DKK2: variants seen among roughly 807,000 people sequenced by gnomAD.
DKK2 encodes the protein dickkopf-related protein 2.
DKK2 carries 11 observed loss-of-function variants against 28.1 expected under a neutral mutation model. That is an observed-to-expected ratio of 0.39 (90% confidence interval 0.25 to 0.65). The LOEUF (loss-of-function observed/expected upper bound fraction) is 0.65. DKK2 is among the 30% of genes least tolerant of loss of function. The probability of loss-of-function intolerance (pLI) is 0.47; values close to 1 mark genes in which losing one functional copy is unlikely to be tolerated. For missense variants in DKK2, 326 were observed against 335.5 expected, an observed-to-expected ratio of 0.97 and a Z score of 0.22; for synonymous variants, 135 against 126.5, an observed-to-expected ratio of 1.07 and a Z score of -0.45.
At chr4:106,939,461 T>A (rs941390698) in intron 1 of DKK2, among the ~76,000 whole-genome samples, 33 of 151,682 alleles carry the variant, frequency 2.2e-4, no homozygotes, top group Non-Finnish European at 2.9e-4. Flanking sequence ...ATAAAAGAGG[T>A]TACAAACAAA....
At chr4:106,976,929 G>T (rs1280564767) in intron 1 of DKK2, among the ~76,000 whole-genome samples, 1 of 152,108 alleles carries the variant, frequency 6.6e-6, no homozygotes, top group Admixed American at 6.5e-5. Context: ...TGTAAGGCAG[G>T]CCCGATGGTG....
rs1724348213 is a variant in DKK2, at chr4:106,921,912, A to C, written c.*2042T>G. On this transcript the variant is annotated 3_prime_UTR_variant, in exon 4 of 4. Coordinates refer to ENST00000285311, the MANE Select transcript of DKK2 (RefSeq NM_014421.3). ...TTCTGCTACAAAGCTTTCTGTAAGA[A>C]ATATCTCTATAAGAAAATACATCTC... The C allele has an allele frequency of 1.3e-5, 2 of 152,624 alleles. No individual in the cohort carries two copies. Among genetic ancestry groups the C allele is most frequent in the Admixed American group, 1.3e-4 (2 of 15,260 alleles). 9.5% of individuals were successfully genotyped at this position (152,624 alleles called of 1,614,324 possible).
rs189800872 is a variant in DKK2, at chr4:107,001,482, C to T, written c.222+33888G>A. Among the ~76,000 whole-genome samples the T allele has an allele frequency of 2.8e-3, 421 of 152,150 alleles. 3 individuals carry two copies. Among genetic ancestry groups the T allele is most frequent in the African/African-American group, 9.8e-3 (407 of 41,506 alleles). On this transcript the variant is annotated intron_variant, in intron 1 of 3. Coordinates refer to ENST00000285311, the MANE Select transcript of DKK2 (RefSeq NM_014421.3). ...AATTTAACTCTCATATGATGATATT[C>T]CTACATTCAGGATTGCATTAAGGAA...
intron 1 of DKK2, among the ~76,000 whole-genome samples, chr4:106,967,409 G>A (rs1722798872): frequency 6.6e-6 from 1 of 152,092 alleles, no homozygotes; most frequent in African/African-American, 2.4e-5. Context: ...GCCAAGCTGA[G>A]GAAAAGTACC....
chr4:107,009,370 T>G (rs1008087499), intron 1 of DKK2, among the ~76,000 whole-genome samples: 2 of 151,980 alleles, frequency 1.3e-5, no homozygotes, highest in Non-Finnish European at 2.9e-5. Flanking sequence ...TAATCTGGAC[T>G]GGCAGCAATC....
intron 1 of DKK2, among the ~76,000 whole-genome samples, chr4:106,935,447 C>T (rs1025839791): frequency 6.6e-6 from 1 of 152,368 alleles, no homozygotes; most frequent in African/African-American, 2.4e-5. Flanking sequence ...ATATCCCACA[C>T]CTGGCTCGGA....
At chr4:106,985,776 A>G (rs1318817074) in intron 1 of DKK2, among the ~76,000 whole-genome samples, 4 of 150,356 alleles carry the variant, frequency 2.7e-5, no homozygotes, top group African/African-American at 7.3e-5. Flanking sequence ...AGATTGCACC[A>G]TTGTTCTCCA....
intron 1 of DKK2, among the ~76,000 whole-genome samples, chr4:106,934,034 TATATACATCTGCATACACACA>T (rs1724541038): frequency 6.6e-6 from 1 of 150,660 alleles, no homozygotes. Context: ...ACACTATATA[TATATACATCTGCATACACACA>T]GATACACACA....
intron 1 of DKK2, among the ~76,000 whole-genome samples, chr4:107,006,085 AG>A (rs905200360): frequency 2.0e-5 from 3 of 152,232 alleles, no homozygotes; most frequent in African/African-American, 7.2e-5. Flanking sequence ...CCAACGTTTA[AG>A]ATTATATTGA....
intron 1 of DKK2, among the ~76,000 whole-genome samples, chr4:106,938,180 G>T (rs1260499108): frequency 6.7e-6 from 1 of 148,926 alleles, no homozygotes; most frequent in Non-Finnish European, 1.5e-5. Flanking sequence ...GAATCCAGGA[G>T]CTGGTTTTTT....
intron 1 of DKK2, among the ~76,000 whole-genome samples, chr4:106,931,187 G>A (rs912389801): frequency 6.6e-6 from 1 of 152,060 alleles, no homozygotes; most frequent in Non-Finnish European, 1.5e-5. Flanking sequence ...CATCTTTGAG[G>A]ATTCATGAAC....
chr4:107,023,446 A>G (rs1265742124), intron 1 of DKK2, among the ~76,000 whole-genome samples: 1 of 152,090 alleles, frequency 6.6e-6, no homozygotes, highest in African/African-American at 2.4e-5. Context: ...ACAAAACTAG[A>G]TACAGTACAA....
chr4:106,937,656 G>T (rs1183400597), intron 1 of DKK2, among the ~76,000 whole-genome samples: 1 of 150,438 alleles, frequency 6.6e-6, no homozygotes, highest in Admixed American at 6.6e-5. Context: ...CAAATCAACA[G>T]AATATACATT....
intron 1 of DKK2, among the ~76,000 whole-genome samples, chr4:107,014,005 T>C (rs999911038): frequency 1.5e-4 from 23 of 151,646 alleles, no homozygotes; most frequent in African/African-American, 5.3e-4. Context: ...CCGGCAAGGA[T>C]GTGGAGAAAG....
At chr4:107,008,040 TTTACTAG>T (rs1243206854) in intron 1 of DKK2, among the ~76,000 whole-genome samples, 1 of 152,136 alleles carries the variant, frequency 6.6e-6, no homozygotes, top group Admixed American at 6.6e-5. Context: ...GCCATTGCTC[TTTACTAG>T]TTATGTCCCA....
chr4:106,935,338 C>A (rs569007825), intron 1 of DKK2, among the ~76,000 whole-genome samples: 7 of 152,308 alleles, frequency 4.6e-5, no homozygotes, highest in Middle Eastern at 6.8e-3. Flanking sequence ...CTTTCCGAGT[C>A]AAAGAAAGGG....
At chr4:107,001,622 C>T (rs778972701) in intron 1 of DKK2, among the ~76,000 whole-genome samples, 1 of 152,164 alleles carries the variant, frequency 6.6e-6, no homozygotes, top group Non-Finnish European at 1.5e-5. Context: ...AAGAACAGTG[C>T]ATTCTCTTTC....
rs199711736 is a variant in DKK2 at position 106,938,597 on chromosome 4, C to G, written c.223-12648G>C. On this transcript the variant is annotated intron_variant, in intron 1 of 3. Transcript: ENST00000285311. Reference sequence around the variant, plus strand: ...ATCAATAGAAAAAGAGGGAATCCTCCCTAACTCTTTTTATGAGGCCAGCAT... The same window carrying G: ...ATCAATAGAAAAAGAGGGAATCCTCGCTAACTCTTTTTATGAGGCCAGCAT... 6.5e-3 allele frequency among the ~76,000 whole-genome samples: 988 copies of G among 152,220 alleles called. 29 individuals are homozygous for G. The East Asian group carries it at 0.079, about 12-fold the overall frequency.
intron 1 of DKK2, among the ~76,000 whole-genome samples, chr4:107,015,030 A>G (rs1723574518): frequency 6.6e-6 from 1 of 151,518 alleles, no homozygotes; most frequent in Admixed American, 6.6e-5. Context: ...CAGTGGTTCT[A>G]TGGTCCATTT....
Sources: allele counts gnomAD v4.1 joint callset (sites outside exome capture counted in the v4.1 genomes callset), GRCh38; gene constraint gnomAD v4.1.1; transcripts MANE v1.5; gene names NCBI Gene and HGNC (gene_info 2026-07-23, HGNC 2026-07-21).